The following CCDC171 variants were observed in gnomAD, a reference collection of about 807,000 sequenced individuals.
CCDC171 encodes coiled-coil domain-containing protein 171.
CCDC171 carries 177 observed loss-of-function variants against 168.2 expected under a neutral mutation model. The ratio of observed to expected loss-of-function variants is 1.05; its 90% CI spans 0.93 to 1.19. The LOEUF is 1.19. Among genes scored for constraint, CCDC171 ranks in the 50% most tolerant of loss-of-function variants. The pLI is 0.00. For missense variants in CCDC171, 1,991 were observed against 1,539.0 expected, an observed-to-expected ratio of 1.29 and a Z score of -4.91; for synonymous variants, 687 against 540.8, an observed-to-expected ratio of 1.27 and a Z score of -3.75.
At chr9:15,721,952 G>C in intron 12 of CCDC171, 77 bp downstream of exon 12, 3 of 612,822 alleles carry the variant, frequency 4.9e-6, no homozygotes, top group Non-Finnish European at 5.1e-6. Context: ...TGTTACAAAG[G>C]TCAAAAAGAT....
intron 21 of CCDC171, among the ~76,000 whole-genome samples, chr9:15,799,576 A>G (rs890610257): frequency 6.6e-6 from 1 of 152,094 alleles, no homozygotes; most frequent in Non-Finnish European, 1.5e-5. Flanking sequence ...ATCATGGTAA[A>G]TGGGGTATCC....
At chr9:15,888,643 A>G (rs938076076) in intron 24 of CCDC171, among the ~76,000 whole-genome samples, 1 of 152,168 alleles carries the variant, frequency 6.6e-6, no homozygotes, top group Admixed American at 6.6e-5. Flanking sequence ...CGCTTATTAT[A>G]TGGATTTGTG....
At chr9:15,841,450 G>A (rs1453902103) in intron 21 of CCDC171, among the ~76,000 whole-genome samples, 1 of 151,890 alleles carries the variant, frequency 6.6e-6, no homozygotes, top group African/African-American at 2.4e-5. Flanking sequence ...TGCCTTACTA[G>A]ACATGTGAGT....
At chr9:15,674,227 G>A (rs2049345529) in intron 9 of CCDC171, among the ~76,000 whole-genome samples, 1 of 151,944 alleles carries the variant, frequency 6.6e-6, no homozygotes, top group Non-Finnish European at 1.5e-5. Flanking sequence ...ATTTTTTATT[G>A]TGTCTATTTG....
Position 15,646,002 on chromosome 9 carries a change from G to A in CCDC171, c.823-11125G>A, listed in dbSNP as rs538862937. 1.9e-4 allele frequency among the ~76,000 whole-genome samples: 29 copies of A among 152,262 alleles called. No homozygotes were observed. The South Asian group carries it at 5.2e-3, about 27-fold the overall frequency. On this transcript the variant is annotated intron_variant, in intron 7 of 25. Coordinates refer to ENST00000380701, the MANE Select transcript of CCDC171 (RefSeq NM_173550.4). ...ATGTTAAGGGCAACCAGAGAGAAAG[G>A]TCGGGTTACCCACAAAGGGAAGCCC...
chr9:15,962,049 T>G (rs12686591), intron 25 of CCDC171, among the ~76,000 whole-genome samples: 4 of 152,120 alleles, frequency 2.6e-5, no homozygotes, highest in African/African-American at 9.7e-5. Context: ...TCATGACACA[T>G]AAAATTTATG....
At chr9:15,651,068 C>T (rs562814827) in intron 7 of CCDC171, among the ~76,000 whole-genome samples, 1 of 151,924 alleles carries the variant, frequency 6.6e-6, no homozygotes. Context: ...TACTCTCTAC[C>T]TCCTTGAGAT....
At chr9:15,921,001 G>C (rs1825249245) in intron 25 of CCDC171, among the ~76,000 whole-genome samples, 1 of 151,544 alleles carries the variant, frequency 6.6e-6, no homozygotes, top group South Asian at 2.1e-4. Context: ...TATATTTTTG[G>C]GGAGTTTTAA....
At chr9:15,860,213 A>G (rs2061503058) in intron 23 of CCDC171, among the ~76,000 whole-genome samples, 1 of 151,440 alleles carries the variant, frequency 6.6e-6, no homozygotes, top group Non-Finnish European at 1.5e-5. Context: ...TTCAAAATAT[A>G]AACTCTTAGT....
chr9:15,779,883 A>G (rs770559461), intron 20 of CCDC171, among the ~76,000 whole-genome samples: 6 of 152,216 alleles, frequency 3.9e-5, no homozygotes. Flanking sequence ...GCAGACATCC[A>G]CATATTCTGT....
chr9:15,736,640 C>T (rs1588206561), intron 16 of CCDC171, among the ~76,000 whole-genome samples: 1 of 149,754 alleles, frequency 6.7e-6, no homozygotes, highest in African/African-American at 2.5e-5. Flanking sequence ...ATGTGAGCCA[C>T]GGTGCCCGGC....
At chr9:16,097,655 G>C in the CCDC171 span, among the ~76,000 whole-genome samples, 2 of 152,320 alleles carry the variant, frequency 1.3e-5, no homozygotes, top group Non-Finnish European at 2.9e-5. Context: ...GTTTCCAGTA[G>C]ATGAGGCATG....
chr9:15,915,217 A>T (rs1824323998), intron 24 of CCDC171, among the ~76,000 whole-genome samples: 1 of 152,192 alleles, frequency 6.6e-6, no homozygotes, highest in African/African-American at 2.4e-5. Flanking sequence ...TGCTTTGGGC[A>T]ATATGGTCAT....
rs551021193 is a variant in CCDC171, at chr9:15,553,061, G to C, written c.-353G>C. On this transcript the variant is annotated 5_prime_UTR_variant, in exon 1 of 26. Coordinates refer to ENST00000380701, the MANE Select transcript of CCDC171 (RefSeq NM_173550.4). Reference sequence around the variant, plus strand: ...GACCTGTGAAAGTCTGGGAAGGTCTGCGAGAGAAGCGGAGTGTTTTCAGCT... The same window carrying C: ...GACCTGTGAAAGTCTGGGAAGGTCTCCGAGAGAAGCGGAGTGTTTTCAGCT... 6.6e-6 allele frequency: 1 copy of C among 152,658 alleles called. No homozygotes were observed. Among genetic ancestry groups the C allele is most frequent in the Admixed American group, 6.5e-5 (1 of 15,308 alleles). 9.5% of individuals were successfully genotyped at this position (152,658 alleles called of 1,614,324 possible).
At chr9:15,646,527 C>G in intron 7 of CCDC171, among the ~76,000 whole-genome samples, 1 of 152,054 alleles carries the variant, frequency 6.6e-6, no homozygotes, top group East Asian at 1.9e-4. Context: ...CAGAGACACA[C>G]ATAGCCTTAA....
intron 24 of CCDC171, among the ~76,000 whole-genome samples, chr9:15,889,401 G>GT (rs977326420): frequency 1.3e-5 from 2 of 152,084 alleles, no homozygotes; most frequent in Non-Finnish European, 2.9e-5. Context: ...TCAAACAAAG[G>GT]TTTTTTGCTT....
At chr9:15,738,332 G>C (rs552578251) in intron 16 of CCDC171, among the ~76,000 whole-genome samples, 1 of 152,244 alleles carries the variant, frequency 6.6e-6, no homozygotes, top group South Asian at 2.1e-4. Context: ...CATTATGGAT[G>C]CACTTTGAAT....
At chr9:15,948,987 A>G (rs920092560) in intron 25 of CCDC171, among the ~76,000 whole-genome samples, 1 of 152,120 alleles carries the variant, frequency 6.6e-6, no homozygotes, top group Non-Finnish European at 1.5e-5. Flanking sequence ...TCCATCTCGA[A>G]TTGATTTTAG....
intron 11 of CCDC171, among the ~76,000 whole-genome samples, chr9:15,707,213 CTT>C (rs1169806090): frequency 6.6e-6 from 1 of 152,136 alleles, no homozygotes; most frequent in Non-Finnish European, 1.5e-5. Context: ...ACTTGCCGCA[CTT>C]CATTATACTC....
Sources: gnomAD v4.1 joint callset for allele counts (sites outside exome capture counted in the v4.1 genomes callset) on GRCh38, gnomAD v4.1.1 for gene constraint, MANE v1.5 for transcripts, NCBI Gene and HGNC (gene_info 2026-07-23, HGNC 2026-07-21) for gene names.